The following ZNF676 variants were observed in gnomAD, a reference collection of about 807,000 sequenced individuals.
The protein encoded by ZNF676 is zinc finger protein 676.
A neutral mutation model predicts 6.0 loss-of-function variants in ZNF676; 4 were observed. The ratio of observed to expected loss-of-function variants is 0.67; its 90% confidence interval spans 0.33 to 1.53. ZNF676 has a LOEUF of 1.53. Ranked by LOEUF, ZNF676 falls within the 40% of genes most tolerant of loss-of-function variation. The probability of loss-of-function intolerance (pLI) is 0.06; values close to 1 mark genes in which losing one functional copy is unlikely to be tolerated. For synonymous variants in ZNF676, 198 were observed against 223.1 expected (o/e 0.89, Z 1.00); for missense variants, 644 against 679.7 (o/e 0.95, Z 0.58).
At chr19:22,242,238 G>A in the ZNF676 span, among the ~76,000 whole-genome samples, 2 of 152,036 alleles carry the variant, frequency 1.3e-5, no homozygotes, top group Admixed American at 6.5e-5. Flanking sequence ...ATGAGTGCTG[G>A]GAAAGGGTAA....
chr19:22,215,348 C>A lies in ZNF676; in HGVS notation c.3+284G>T, dbSNP rs113190051. 2.8e-3 allele frequency among the ~76,000 whole-genome samples: 432 copies of A among 152,306 alleles called. 2 individuals are homozygous for A. The highest frequency in any genetic ancestry group is 0.01 in the African/African-American group (419 of 41,574). On this transcript the variant is annotated intron_variant, in intron 1 of 3. Coordinates refer to the ZNF676 transcript ENST00000650058. ...TCAAGTCAGGATTCTCCTCTGACTA[C>A]CCTCCCACAGTCCGTGCACAATCTG...
the ZNF676 span, among the ~76,000 whole-genome samples, chr19:22,225,967 T>C: frequency 6.6e-6 from 1 of 152,152 alleles, no homozygotes; most frequent in Non-Finnish European, 1.5e-5. Context: ...TCTGTTCTTT[T>C]CATTGTTGCT....
Position 22,184,623 on chromosome 19 carries a change from A to T in ZNF676, c.131-3037T>A, listed in dbSNP as rs563211766. 7.9e-5 allele frequency among the ~76,000 whole-genome samples: 12 copies of T among 152,140 alleles called. No individual in the cohort carries two copies. The South Asian group carries it at 2.5e-3, about 32-fold the overall frequency. ...CAGCAAACTAGGACCCACTGGCTTG[A>T]AATTCTGGCTGCAAGCACAGCAGTC... On this transcript the variant is annotated intron_variant, in intron 2 of 2. Transcript: ENST00000397121.
intron 1 of ZNF676, among the ~76,000 whole-genome samples, chr19:22,212,210 AAAAAGAAAAG>A (rs774184961): frequency 6.6e-6 from 1 of 150,724 alleles, no homozygotes; most frequent in Non-Finnish European, 1.5e-5. Context: ...AAAAAAAAAA[AAAAAGAAAAG>A]AAAAGAAAAG....
chr19:22,228,471 T>A, the ZNF676 span, among the ~76,000 whole-genome samples: 4 of 152,266 alleles, frequency 2.6e-5, no homozygotes, highest in Middle Eastern at 6.8e-3. Context: ...CTCTCACCAT[T>A]CCTATTCAAC....
At chr19:22,247,992 C>T in the ZNF676 span, among the ~76,000 whole-genome samples, 4 of 150,228 alleles carry the variant, frequency 2.7e-5, no homozygotes, top group South Asian at 2.1e-4. Context: ...TGAGAACATG[C>T]GGTGCTTGGT....
chr19:22,243,975 T>C, the ZNF676 span: 2 of 152,262 alleles, frequency 1.3e-5, no homozygotes, highest in Admixed American at 1.3e-4. Flanking sequence ...TCTGAAGACA[T>C]TCTTTGTGCC....
In ZNF676 at chr19:22,196,698, A is replaced by G. The variant is rs1450219677; in HGVS notation, c.-65T>C. The G allele has an allele frequency of 3.1e-6, 5 of 1,610,478 alleles. No individual in the cohort carries two copies. Among genetic ancestry groups the G allele is most frequent in the Admixed American group, 1.7e-5 (1 of 59,954 alleles). Reference sequence around the variant, plus strand: ...TTGCCACTCCTCCAGAGAGAATTCTATGGCCACATCCCTAAATGTCAATGC... The same window carrying G: ...TTGCCACTCCTCCAGAGAGAATTCTGTGGCCACATCCCTAAATGTCAATGC... On this transcript the variant is annotated 5_prime_UTR_variant, in exon 1 of 3. It removes the in-frame stop codon of an upstream open reading frame in the 5' UTR. Coordinates refer to ENST00000397121, the MANE Select transcript of ZNF676 (RefSeq NM_001001411.3).
At chr19:22,205,916 A>T (rs2024071518) in intron 1 of ZNF676, among the ~76,000 whole-genome samples, 1 of 152,050 alleles carries the variant, frequency 6.6e-6, no homozygotes, top group Non-Finnish European at 1.5e-5. Flanking sequence ...TAGATTAATG[A>T]AGATACAAAT....
the ZNF676 span, among the ~76,000 whole-genome samples, chr19:22,222,367 G>A: frequency 0.68 from 103,843 of 152,060 alleles, 35,905 homozygotes; most frequent in South Asian, 0.85. Context: ...CGGCCTCCCA[G>A]AGTGCTGGGA....
the ZNF676 span, among the ~76,000 whole-genome samples, chr19:22,239,692 G>A: frequency 6.6e-6 from 1 of 152,182 alleles, no homozygotes; most frequent in African/African-American, 2.4e-5. Flanking sequence ...TCATAGGTAG[G>A]AGCTCAGGCA....
intron 2 of ZNF676, among the ~76,000 whole-genome samples, chr19:22,190,949 G>A (rs1483021214): frequency 2.0e-5 from 3 of 151,870 alleles, no homozygotes; most frequent in Admixed American, 2.0e-4. Flanking sequence ...CTTAGAAACA[G>A]ATAAAAAGAA....
At chr19:22,182,593 A>AAACAAAAAAAAAAAC (rs1555773383) in intron 2 of ZNF676, among the ~76,000 whole-genome samples, 2 of 90,948 alleles carry the variant, frequency 2.2e-5, no homozygotes, top group East Asian at 3.5e-4. Flanking sequence ...TCTAAAAAAA[A>AAACAAAAAAAAAAAC]AAAAAAAAAG....
chr19:22,197,318 C>CAA (rs35429094), upstream of ZNF676, among the ~76,000 whole-genome samples: 3 of 109,596 alleles, frequency 2.7e-5, no homozygotes, highest in Non-Finnish European at 5.7e-5. Context: ...AACTCCATCT[C>CAA]AAAAAAAAAA....
chr19:22,189,292 T>C (rs146445147), intron 2 of ZNF676, among the ~76,000 whole-genome samples: 1 of 152,120 alleles, frequency 6.6e-6, no homozygotes, highest in Non-Finnish European at 1.5e-5. Context: ...TTGAAAAAAC[T>C]TGCTAGCCAT....
the ZNF676 span, among the ~76,000 whole-genome samples, chr19:22,256,015 G>A: frequency 6.6e-6 from 1 of 152,176 alleles, no homozygotes; most frequent in Non-Finnish European, 1.5e-5. Context: ...GTGCTTGGTT[G>A]TCCATACATG....
the ZNF676 span, among the ~76,000 whole-genome samples, chr19:22,237,896 A>C: frequency 6.6e-6 from 1 of 152,188 alleles, no homozygotes; most frequent in Non-Finnish European, 1.5e-5. Context: ...CTGTGCATAC[A>C]TCTTTCATTG....
chr19:22,190,496 T>TA (rs2023887066), intron 2 of ZNF676, among the ~76,000 whole-genome samples: 1 of 151,064 alleles, frequency 6.6e-6, no homozygotes. Flanking sequence ...CCAACAATCT[T>TA]AAAATAATAA....
intron 1 of ZNF676, among the ~76,000 whole-genome samples, chr19:22,212,422 C>T (rs1024802572): frequency 6.6e-6 from 1 of 151,108 alleles, no homozygotes; most frequent in Non-Finnish European, 1.5e-5. Flanking sequence ...TGAGGTCAGC[C>T]GGGCACAGTG....
Sources: allele counts gnomAD v4.1 joint callset (sites outside exome capture counted in the v4.1 genomes callset), GRCh38; gene constraint gnomAD v4.1.1; transcripts MANE v1.5; gene names NCBI Gene and HGNC (gene_info 2026-07-23, HGNC 2026-07-21).